Variants in SLC35F4 observed in about 807,000 individuals in gnomAD.
The protein encoded by SLC35F4 is solute carrier family 35 member F4, also known as chromosome 14 open reading frame 36.
SLC35F4 carries 24 observed loss-of-function variants against 44.2 expected under a neutral mutation model. The observed-to-expected ratio is 0.54, with a 90% CI of 0.39 to 0.76. The LOEUF is 0.76. Among genes scored for constraint, SLC35F4 ranks in the 30% least tolerant of loss-of-function variants. SLC35F4 has a pLI of 0.00. For missense variants in SLC35F4, 562 were observed against 586.1 expected (o/e 0.96, Z 0.42); for synonymous variants, 238 against 223.6 (o/e 1.06, Z -0.57).
intron 1 of SLC35F4, among the ~76,000 whole-genome samples, chr14:57,961,659 GCTT>G (rs1327689227): frequency 2.0e-5 from 3 of 152,104 alleles, no homozygotes; most frequent in African/African-American, 4.8e-5. Flanking sequence ...TACCTCCCCG[GCTT>G]CTTCTCCTGA....
chr14:57,886,418 G>A (rs542812588), intron 1 of SLC35F4, among the ~76,000 whole-genome samples: 212 of 152,154 alleles, frequency 1.4e-3, no homozygotes, highest in African/African-American at 4.8e-3. Flanking sequence ...AATAAAGTGG[G>A]CAATATCCTA....
At chr14:57,893,662 A>T (rs1595272980) in intron 1 of SLC35F4, among the ~76,000 whole-genome samples, 1 of 152,150 alleles carries the variant, frequency 6.6e-6, no homozygotes, top group South Asian at 2.1e-4. Flanking sequence ...CATGTCCTGG[A>T]CCACAGGACA....
chr14:57,667,035 C>T (rs1263740060), intron 1 of SLC35F4, among the ~76,000 whole-genome samples: 1 of 151,380 alleles, frequency 6.6e-6, no homozygotes, highest in African/African-American at 2.5e-5. Context: ...GCATCAGGTA[C>T]ATGTGACTTT....
intron 1 of SLC35F4, among the ~76,000 whole-genome samples, chr14:57,901,313 A>G (rs1207398099): frequency 1.3e-5 from 2 of 152,262 alleles, no homozygotes; most frequent in Non-Finnish European, 2.9e-5. Flanking sequence ...AATGTGGTAC[A>G]TATACAACAT....
At chr14:57,793,925 G>C (rs1355863347) in intron 1 of SLC35F4, among the ~76,000 whole-genome samples, 3 of 152,178 alleles carry the variant, frequency 2.0e-5, no homozygotes, top group South Asian at 4.2e-4. Flanking sequence ...ACAACTAACT[G>C]ATCTTCGACA....
intron 1 of SLC35F4, among the ~76,000 whole-genome samples, chr14:57,933,037 T>C (rs1191808478): frequency 6.8e-6 from 1 of 146,948 alleles, no homozygotes; most frequent in Non-Finnish European, 1.5e-5. Context: ...CTCTCCTATT[T>C]ACTTTTTTTT....
At chr14:57,651,633 G>C (rs2073787522) in intron 1 of SLC35F4, among the ~76,000 whole-genome samples, 1 of 152,126 alleles carries the variant, frequency 6.6e-6, no homozygotes, top group African/African-American at 2.4e-5. Context: ...CTAGAGACAG[G>C]AACAGGGTGG....
intron 1 of SLC35F4, among the ~76,000 whole-genome samples, chr14:57,653,525 G>A (rs1594715538): frequency 6.6e-6 from 1 of 152,206 alleles, no homozygotes; most frequent in Non-Finnish European, 1.5e-5. Flanking sequence ...TTGACTCAGT[G>A]TCCAACCTTG....
At chr14:57,579,753 A>G (rs554423927) in intron 4 of SLC35F4, among the ~76,000 whole-genome samples, 150 of 152,310 alleles carry the variant, frequency 9.8e-4, no homozygotes, top group African/African-American at 3.6e-3. Context: ...TTGGAAGTAG[A>G]GACAGCTGAC....
intron 1 of SLC35F4, among the ~76,000 whole-genome samples, chr14:57,690,379 A>G (rs2075195831): frequency 6.6e-6 from 1 of 152,210 alleles, no homozygotes; most frequent in Non-Finnish European, 1.5e-5. Flanking sequence ...ACAAAAATTC[A>G]ACTGGGCTAG....
At chr14:57,862,151 A>C (rs1300906788) in intron 1 of SLC35F4, among the ~76,000 whole-genome samples, 2 of 152,126 alleles carry the variant, frequency 1.3e-5, no homozygotes, top group Admixed American at 6.5e-5. Context: ...TAGTCAAACC[A>C]GAAAAGATGC....
chr14:57,977,115 G>A (rs781193878), intron 1 of SLC35F4, among the ~76,000 whole-genome samples: 1 of 152,236 alleles, frequency 6.6e-6, no homozygotes, highest in Admixed American at 6.5e-5. Flanking sequence ...CCTACCTAAA[G>A]TGAAGGAAAA....
chr14:57,619,883 T>C (rs1330648190), intron 1 of SLC35F4, among the ~76,000 whole-genome samples: 1 of 151,864 alleles, frequency 6.6e-6, no homozygotes, highest in Non-Finnish European at 1.5e-5. Flanking sequence ...AGCACGAGAA[T>C]TTCGTGAAGC....
chr14:57,574,225 G>C (rs1475506207), intron 4 of SLC35F4, among the ~76,000 whole-genome samples: 1 of 152,264 alleles, frequency 6.6e-6, no homozygotes, highest in East Asian at 1.9e-4. Context: ...GTTTCCTCAA[G>C]ATAGGAATTG....
rs551699745 is a variant in SLC35F4 at position 57,740,544 on chromosome 14, A to T, written c.103+125179T>A. On this transcript the variant is annotated intron_variant, in intron 1 of 7. Coordinates refer to ENST00000556826, the MANE Select transcript of SLC35F4 (RefSeq NM_001306087.2). ...CAGAAGTTAATTAATGGGTAAAAAC[A>T]TACAGTTTGATAGAAGAAATAAGAC... Among the ~76,000 whole-genome samples the T allele has an allele frequency of 3.3e-5, 5 of 152,346 alleles. No homozygotes were observed. The South Asian group carries it at 1.0e-3, about 32-fold the overall frequency.
intron 1 of SLC35F4, among the ~76,000 whole-genome samples, chr14:57,736,297 G>A (rs989596808): frequency 1.3e-5 from 2 of 152,106 alleles, no homozygotes; most frequent in East Asian, 3.9e-4. Flanking sequence ...TACCCCAATA[G>A]AAGTTTGAGG....
intron 6 of SLC35F4, among the ~76,000 whole-genome samples, chr14:57,568,711 T>C (rs1465767709): frequency 2.0e-5 from 3 of 152,236 alleles, no homozygotes; most frequent in Non-Finnish European, 4.4e-5. Context: ...CTCCCAGGAA[T>C]TGCAGTGCTG....
intron 1 of SLC35F4, among the ~76,000 whole-genome samples, chr14:57,793,482 A>G (rs900507177): frequency 6.6e-6 from 1 of 152,090 alleles, no homozygotes; most frequent in Non-Finnish European, 1.5e-5. Context: ...ACTTATAGGT[A>G]AGAACATTTG....
At chr14:57,906,088 C>A (rs898288199) in intron 1 of SLC35F4, among the ~76,000 whole-genome samples, 3 of 152,132 alleles carry the variant, frequency 2.0e-5, no homozygotes, top group Non-Finnish European at 4.4e-5. Flanking sequence ...GTGTGCATCC[C>A]CCTGGTGACC....
Sources: gnomAD v4.1 joint callset for allele counts (sites outside exome capture counted in the v4.1 genomes callset) on GRCh38, gnomAD v4.1.1 for gene constraint, MANE v1.5 for transcripts, NCBI Gene and HGNC (gene_info 2026-07-23, HGNC 2026-07-21) for gene names.